MICU1: variants seen among roughly 807,000 people sequenced by gnomAD.
MICU1 encodes the protein calcium uptake protein 1, mitochondrial.
In MICU1, 45 loss-of-function variants were observed where a neutral mutation model predicts 56.8. The observed-to-expected ratio is 0.79, with a 90% CI of 0.62 to 1.02. The LOEUF (loss-of-function observed/expected upper bound fraction) is 1.02. Among genes scored for constraint, MICU1 ranks in the 50% least tolerant of loss-of-function variants. The pLI, the probability that MICU1 is intolerant of heterozygous loss-of-function variation, is 0.00. For missense variants in MICU1, 504 were observed against 587.1 expected, an observed-to-expected ratio of 0.86 and a Z score of 1.46; for synonymous variants, 186 against 195.1, an observed-to-expected ratio of 0.95 and a Z score of 0.39.
At chr10:72,531,767 G>A (rs1239640797) in intron 5 of MICU1, 1 of 151,404 alleles carries the variant, frequency 6.6e-6, no homozygotes, top group East Asian at 1.9e-4. Flanking sequence ...ACTGACAGTT[G>A]AGAAAGTACT....
intron 1 of MICU1, among the ~76,000 whole-genome samples, chr10:72,610,259 CAAAAAAA>C: frequency 8.4e-6 from 1 of 118,956 alleles, no homozygotes; most frequent in East Asian, 3.2e-4. Context: ...ACATACTCTC[CAAAAAAA>C]AAAAAAAATA....
chr10:72,392,280 AAC>A (rs1232385206), intron 10 of MICU1, among the ~76,000 whole-genome samples: 1 of 152,156 alleles, frequency 6.6e-6, no homozygotes, highest in Non-Finnish European at 1.5e-5. Flanking sequence ...TTATTTAAAA[AAC>A]ACAGAGGGCC....
At chr10:72,514,337 AT>A (rs1252730134) in intron 5 of MICU1, among the ~76,000 whole-genome samples, 2 of 150,396 alleles carry the variant, frequency 1.3e-5, no homozygotes, top group Non-Finnish European at 3.0e-5. Context: ...GATACTCCCT[AT>A]TTCTTTTTTT....
At chr10:72,420,679 T>C (rs1178397574) in intron 9 of MICU1, among the ~76,000 whole-genome samples, 1 of 142,658 alleles carries the variant, frequency 7.0e-6, no homozygotes, top group Non-Finnish European at 1.5e-5. Flanking sequence ...GAGGCCTGGA[T>C]TTTTTTTTTT....
intron 11 of MICU1, among the ~76,000 whole-genome samples, chr10:72,370,167 C>T (rs562873287): frequency 6.6e-6 from 1 of 152,208 alleles, no homozygotes; most frequent in South Asian, 2.1e-4. Flanking sequence ...TGAGACACTG[C>T]GCCTGGCCAA....
intron 10 of MICU1, among the ~76,000 whole-genome samples, chr10:72,400,216 G>A (rs1863405617): frequency 6.6e-6 from 1 of 152,006 alleles, no homozygotes; most frequent in South Asian, 2.1e-4. Context: ...CCAGCAAAAG[G>A]CCTGAAGTCA....
Position 72,547,720 on chromosome 10 carries a change from T to C in MICU1, c.493+3459A>G, listed in dbSNP as rs1043384043. Among the ~76,000 whole-genome samples, 9 of 152,212 alleles carry C rather than the reference T, an allele frequency of 5.9e-5. No homozygotes were observed. The East Asian group carries it at 1.7e-3, about 29-fold the overall frequency. ...GAGAAACATGTTAAACAACACCTTATGGATGCAATCAGTAAAATCCAGAAT... is the reference window on the plus strand; with the variant it reads ...GAGAAACATGTTAAACAACACCTTACGGATGCAATCAGTAAAATCCAGAAT... On this transcript the variant is annotated intron_variant, in intron 4 of 11. Coordinates refer to ENST00000361114, the MANE Select transcript of MICU1 (RefSeq NM_001195518.2).
At chr10:72,495,274 T>C (rs1866799972) in intron 6 of MICU1, among the ~76,000 whole-genome samples, 1 of 151,836 alleles carries the variant, frequency 6.6e-6, no homozygotes, top group African/African-American at 2.4e-5. Flanking sequence ...TTTCATTTCA[T>C]GTGGTTTTTT....
chr10:72,484,632 G>A (rs555769487), intron 6 of MICU1, among the ~76,000 whole-genome samples: 1 of 152,276 alleles, frequency 6.6e-6, no homozygotes, highest in South Asian at 2.1e-4. Context: ...GGAGGCTGAG[G>A]TAAGCAGACT....
At chr10:72,440,072 A>G (rs980950867) in intron 8 of MICU1, among the ~76,000 whole-genome samples, 2 of 152,232 alleles carry the variant, frequency 1.3e-5, no homozygotes, top group Admixed American at 6.5e-5. Context: ...TGGAACAAAA[A>G]AAAGAGCCTG....
intron 1 of MICU1, among the ~76,000 whole-genome samples, chr10:72,622,014 C>T (rs982579652): frequency 6.6e-6 from 1 of 152,096 alleles, no homozygotes; most frequent in Non-Finnish European, 1.5e-5. Context: ...CCCAGGTTCA[C>T]GCCATTCTCC....
intron 4 of MICU1, among the ~76,000 whole-genome samples, chr10:72,543,865 T>C (rs1299754714): frequency 3.3e-5 from 5 of 149,972 alleles, no homozygotes; most frequent in Non-Finnish European, 7.4e-5. Context: ...AAAAAAAGGA[T>C]ACTTAGGGTA....
chr10:72,433,896 C>G (rs1864626001), intron 8 of MICU1, among the ~76,000 whole-genome samples: 1 of 152,188 alleles, frequency 6.6e-6, no homozygotes, highest in Admixed American at 6.5e-5. Flanking sequence ...TAGAACAAAA[C>G]AGCAGATCAT....
intron 10 of MICU1, among the ~76,000 whole-genome samples, chr10:72,391,529 C>T (rs1354525007): frequency 1.3e-5 from 2 of 152,030 alleles, no homozygotes; most frequent in African/African-American, 4.8e-5. Flanking sequence ...TTTAAAAATA[C>T]AGCATAACAA....
chr10:72,624,043 G>A (rs1842172801), intron 1 of MICU1, among the ~76,000 whole-genome samples: 2 of 152,114 alleles, frequency 1.3e-5, no homozygotes, highest in Admixed American at 1.3e-4. Context: ...AAGACTGAAG[G>A]TGGCAAAATT....
chr10:72,570,639 C>G (rs1840586132), intron 1 of MICU1, among the ~76,000 whole-genome samples: 2 of 152,184 alleles, frequency 1.3e-5, no homozygotes, highest in Non-Finnish European at 2.9e-5. Context: ...CTCCCTTCAT[C>G]CAATCTAGGT....
At chr10:72,449,379 C>A (rs776173217) in intron 8 of MICU1, among the ~76,000 whole-genome samples, 1 of 151,976 alleles carries the variant, frequency 6.6e-6, no homozygotes, top group Non-Finnish European at 1.5e-5. Flanking sequence ...GCCTGGGTGA[C>A]AGAGCAAGAC....
At chr10:72,619,261 G>A (rs909937108) in intron 1 of MICU1, among the ~76,000 whole-genome samples, 28 of 152,110 alleles carry the variant, frequency 1.8e-4, no homozygotes, top group South Asian at 8.3e-4. Context: ...TGGCTAACAC[G>A]GTGAAACCCT....
At chr10:72,619,765 G>A (rs550267089) in intron 1 of MICU1, among the ~76,000 whole-genome samples, 6 of 152,314 alleles carry the variant, frequency 3.9e-5, no homozygotes, top group African/African-American at 1.2e-4. Flanking sequence ...CATTAATCTA[G>A]TTTAACGATG....
Sources: allele counts gnomAD v4.1 joint callset (sites outside exome capture counted in the v4.1 genomes callset), GRCh38; gene constraint gnomAD v4.1.1; transcripts MANE v1.5; gene names NCBI Gene and HGNC (gene_info 2026-07-23, HGNC 2026-07-21).